The following STRN3 variants were observed in gnomAD, a reference collection of about 807,000 sequenced individuals.
STRN3 encodes the protein striatin 3, also known as striatin-3.
A neutral mutation model predicts 95.6 loss-of-function variants in STRN3; 29 were observed. That is an observed-to-expected ratio of 0.30 (90% CI 0.23 to 0.41). The LOEUF (loss-of-function observed/expected upper bound fraction) is 0.41, where lower values mean the gene tolerates loss of function less well. Ranked by LOEUF, STRN3 falls within the 10% of genes least tolerant of loss-of-function variation. The pLI is 1.00. For synonymous variants in STRN3, 331 were observed against 357.6 expected, an observed-to-expected ratio of 0.93 and a Z score of 0.84; for missense variants, 890 against 972.1, an observed-to-expected ratio of 0.92 and a Z score of 1.12.
chr14:31,026,025 C>T lies in STRN3; in HGVS notation c.161G>A (p.Gly54Asp). Residue 54 changes from glycine (G) to aspartate (D), a missense_variant, in exon 1 of 18, where the codon GGC becomes GAC. Gly to Asp is a moderately conservative substitution (Grantham distance 94). Around this residue, in one of 3 missense-constraint regions of STRN3, gnomAD observed 526 missense variants for 526.3 expected, o/e 1.00. Coordinates refer to ENST00000357479, the MANE Select transcript of STRN3 (RefSeq NM_001083893.2). The part of the protein sequence containing the change: ...PASEGAGPAA[G>D]PELSRPQQYT... Reference sequence around the variant, plus strand: ...CTGCTGCGGCCGGGACAGCTCGGGGCCTGCCGCGGGACCCGCTCCCTCGGA... The same window carrying T: ...CTGCTGCGGCCGGGACAGCTCGGGGTCTGCCGCGGGACCCGCTCCCTCGGA... The T allele has an allele frequency of 1.3e-6, 2 of 1,540,856 alleles. No homozygotes were observed. Among genetic ancestry groups the T allele is most frequent in the Non-Finnish European group, 1.8e-6 (2 of 1,142,724 alleles).
intron 5 of STRN3, among the ~76,000 whole-genome samples, chr14:30,941,072 C>A (rs989035873): frequency 6.6e-6 from 1 of 152,118 alleles, no homozygotes; most frequent in Non-Finnish European, 1.5e-5. Flanking sequence ...AGTGGGAAGT[C>A]GGCAGTCCGC....
chr14:30,934,130 C>A (rs1878698769), intron 7 of STRN3, among the ~76,000 whole-genome samples: 1 of 152,120 alleles, frequency 6.6e-6, no homozygotes. Flanking sequence ...TCGAGACCAT[C>A]CTGGCCAACA....
chr14:30,893,985 A>G lies in STRN3; in HGVS notation c.*1426T>C, dbSNP rs1007405460. On this transcript the variant is annotated 3_prime_UTR_variant, in exon 18 of 18. Transcript: ENST00000357479. The stretch of plus-strand genomic sequence containing the variant: ...TACAATCTTAAAAATTTGCTGATTC[A>G]TAGTTTGTAAAACAAAAACCTTACA... 1.3e-5 allele frequency: 2 copies of G among 152,640 alleles called. No individual in the cohort carries two copies. The highest frequency in any genetic ancestry group is 1.9e-4 in the East Asian group (1 of 5,200). 9.5% of individuals were successfully genotyped at this position (152,640 alleles called of 1,614,324 possible). A position where few individuals can be genotyped will look rare whatever the true frequency, so the allele number is the denominator to read the frequency against.
intron 1 of STRN3, among the ~76,000 whole-genome samples, chr14:30,971,979 A>G (rs1880853583): frequency 6.6e-6 from 1 of 152,182 alleles, no homozygotes; most frequent in African/African-American, 2.4e-5. Context: ...AGTCAAGCAA[A>G]ACAACTAAGC....
At chr14:30,899,507 C>A (rs1466703829) in intron 16 of STRN3, among the ~76,000 whole-genome samples, 2 of 152,130 alleles carry the variant, frequency 1.3e-5, no homozygotes, top group Admixed American at 6.5e-5. Context: ...GATAAAAATT[C>A]AATATTCTTA....
chr14:30,926,101 G>A (rs1033857758), intron 8 of STRN3, among the ~76,000 whole-genome samples: 1 of 151,966 alleles, frequency 6.6e-6, no homozygotes, highest in Non-Finnish European at 1.5e-5. Context: ...TTTTCACACT[G>A]AATTCTGTAT....
intron 5 of STRN3, among the ~76,000 whole-genome samples, chr14:30,946,720 G>C (rs1422562785): frequency 6.6e-6 from 1 of 152,220 alleles, no homozygotes; most frequent in African/African-American, 2.4e-5. Context: ...GCTCACGCCT[G>C]TAATCCCAGC....
At chr14:30,953,705 CTG>C (rs1329075565) in intron 3 of STRN3, among the ~76,000 whole-genome samples, 1 of 152,176 alleles carries the variant, frequency 6.6e-6, no homozygotes, top group African/African-American at 2.4e-5. Context: ...ACAAAATTCA[CTG>C]TAGCCTTGAC....
At chr14:30,964,791 G>A (rs753903032) in intron 1 of STRN3, among the ~76,000 whole-genome samples, 16 of 152,102 alleles carry the variant, frequency 1.1e-4, no homozygotes, top group Middle Eastern at 3.4e-3. Context: ...GTGGTGGCGC[G>A]CACCTGTAAT....
intron 1 of STRN3, among the ~76,000 whole-genome samples, chr14:30,977,942 T>C (rs1036120730): frequency 6.6e-6 from 1 of 151,796 alleles, no homozygotes; most frequent in African/African-American, 2.4e-5. Flanking sequence ...AAAGACACAA[T>C]CTACAAAAAC....
rs200185066 is a variant in STRN3 at position 30,925,550 on chromosome 14, GA to G, written c.1099+3650del. ...ACTTATTAACAAATTCTGGAATAAA[GA>G]AAAAAAATCAAGGTTGGTAAATGTA... On this transcript the variant is annotated intron_variant, in intron 8 of 17. Transcript: ENST00000357479. 6.8e-3 allele frequency among the ~76,000 whole-genome samples: 1,035 copies of G among 151,730 alleles called. 9 individuals are homozygous for G. The highest frequency in any genetic ancestry group is 0.011 in the Non-Finnish European group (774 of 67,904).
chr14:31,003,261 CAA>C (rs376981218), intron 1 of STRN3, among the ~76,000 whole-genome samples: 24 of 82,484 alleles, frequency 2.9e-4, no homozygotes, highest in Admixed American at 5.5e-4. Flanking sequence ...ACTCTGTCTC[CAA>C]AAAAAAAAAA....
chr14:30,915,846 C>T (rs975976769), intron 9 of STRN3, among the ~76,000 whole-genome samples: 21 of 152,112 alleles, frequency 1.4e-4, no homozygotes, highest in African/African-American at 4.8e-4. Context: ...ATCAGCCAGA[C>T]CAATTTAGGA....
At chr14:30,898,131 C>A (rs1594404497) in intron 16 of STRN3, among the ~76,000 whole-genome samples, 1 of 152,136 alleles carries the variant, frequency 6.6e-6, no homozygotes, top group Non-Finnish European at 1.5e-5. Context: ...CACACGACAC[C>A]ATGCCTGGCT....
intron 8 of STRN3, among the ~76,000 whole-genome samples, chr14:30,927,899 C>T (rs1217693376): frequency 7.1e-6 from 1 of 140,888 alleles, no homozygotes; most frequent in African/African-American, 2.7e-5. Flanking sequence ...CACCGCTGCA[C>T]TCCAGCCAGG....
In STRN3 at chr14:30,919,085, T is replaced by C. The variant is rs764672150; in HGVS notation, c.1121A>G (p.Tyr374Cys). Reference protein sequence around the residue: ...GVKRANRTKLYDMIADLGDDE... With the variant: ...GVKRANRTKLCDMIADLGDDE... ...ATCTCCCAGATCAGCTATCATGTCG[T>C]AGAGTTTTGTCCTGTTGGCCCCTGT... Residue 374 changes from tyrosine (Y) to cysteine (C), a missense_variant, in exon 9 of 18, where the codon TAC becomes TGC. Around this residue, in one of 3 missense-constraint regions of STRN3, gnomAD observed 526 missense variants for 526.3 expected, o/e 1.00. Transcript: ENST00000357479. The C allele has an allele frequency of 3.5e-5, 56 of 1,609,024 alleles. No individual in the cohort carries two copies. The highest frequency in any genetic ancestry group is 4.5e-5 in the Non-Finnish European group (53 of 1,177,046).
At chr14:30,959,334 A>G (rs1161078611) in intron 1 of STRN3, among the ~76,000 whole-genome samples, 1 of 152,178 alleles carries the variant, frequency 6.6e-6, no homozygotes, top group African/African-American at 2.4e-5. Context: ...AAAGAAAAAA[A>G]CAAAACAAAA....
intron 7 of STRN3, among the ~76,000 whole-genome samples, chr14:30,933,604 C>T (rs1009397524): frequency 2.0e-5 from 3 of 152,048 alleles, no homozygotes; most frequent in Non-Finnish European, 4.4e-5. Context: ...TGCTGTTTCT[C>T]CTGAGCAATG....
At chr14:31,002,352 A>T (rs1882500707) in intron 1 of STRN3, among the ~76,000 whole-genome samples, 1 of 151,394 alleles carries the variant, frequency 6.6e-6, no homozygotes, top group Non-Finnish European at 1.5e-5. Flanking sequence ...CACGCCTGTA[A>T]TCCCATCTAC....
Sources: gnomAD v4.1 joint callset for allele counts (sites outside exome capture counted in the v4.1 genomes callset) on GRCh38, gnomAD v4.1.1 for gene constraint, gnomAD v4.1.1 regional missense constraint, MANE v1.5 for transcripts, NCBI Gene and HGNC (gene_info 2026-07-23, HGNC 2026-07-21) for gene names.